The following PREP variants were observed in gnomAD, a reference collection of about 807,000 sequenced individuals.
The protein encoded by PREP is dJ355L5.1 (prolyl endopeptidase).
A neutral mutation model predicts 87.6 loss-of-function variants in PREP; 29 were observed. That is an observed-to-expected ratio of 0.33 (90% CI 0.25 to 0.45). The LOEUF is 0.45. PREP is among the 20% of genes least tolerant of loss of function. The probability of loss-of-function intolerance (pLI) is 1.00; values close to 1 mark genes in which losing one functional copy is unlikely to be tolerated. For missense variants in PREP, 695 were observed against 886.5 expected, an observed-to-expected ratio of 0.78 and a Z score of 2.74; for synonymous variants, 337 against 328.6, an observed-to-expected ratio of 1.03 and a Z score of -0.28.
intron 10 of PREP, among the ~76,000 whole-genome samples, chr6:105,316,829 C>A (rs1023982698): frequency 5.3e-5 from 8 of 152,096 alleles, no homozygotes; most frequent in African/African-American, 1.9e-4. Flanking sequence ...TTCCCTTTTA[C>A]ACTGAGTATT....
At chr6:105,343,378 A>G (rs1301036515) in intron 7 of PREP, among the ~76,000 whole-genome samples, 1 of 152,250 alleles carries the variant, frequency 6.6e-6, no homozygotes, top group Non-Finnish European at 1.5e-5. Flanking sequence ...AAATTAATTC[A>G]AGATGGATTA....
intron 12 of PREP, among the ~76,000 whole-genome samples, chr6:105,284,578 T>C (rs1333848731): frequency 6.6e-6 from 1 of 152,160 alleles, no homozygotes; most frequent in African/African-American, 2.4e-5. Context: ...ACTGGGGTCC[T>C]GGTAGGCCTT....
chr6:105,395,947 T>C (rs1297467686), intron 2 of PREP, among the ~76,000 whole-genome samples: 1 of 152,146 alleles, frequency 6.6e-6, no homozygotes, highest in Non-Finnish European at 1.5e-5. Flanking sequence ...CCAGACCCAA[T>C]CCCTCTGTCT....
intron 14 of PREP, among the ~76,000 whole-genome samples, chr6:105,279,584 G>GAAAC (rs1212188371): frequency 6.6e-6 from 1 of 152,076 alleles, no homozygotes; most frequent in South Asian, 2.1e-4. Flanking sequence ...TTTTTTTGGG[G>GAAAC]AAACACCTTT....
Position 105,278,399 on chromosome 6 carries a change from A to T in PREP, c.1878T>A (p.Asp626Glu). The T allele has an allele frequency of 6.2e-7, 1 of 1,613,942 alleles. No homozygotes were observed. Among genetic ancestry groups the T allele is most frequent in the Non-Finnish European group, 8.5e-7 (1 of 1,179,780 alleles). The change falls in exon 15 of 15, where the codon GAT (aspartate) becomes GAA (glutamate). Residue 626 changes from aspartate (D) to glutamate (E), a missense_variant. Coordinates refer to ENST00000652536, the MANE Select transcript of PREP (RefSeq NM_002726.5). The surrounding 1 kb of genome is among the most constrained non-coding windows in gnomAD (Gnocchi z 4.2). ...PLHNVKLPEA[D>E]DIQYPSMLLL... ...GCAGCATGGACGGGTACTGGATGTC[A>T]TCTGCTTCTGGTAACTTCACATTAT... is the stretch of plus-strand genomic sequence containing the variant.
At chr6:105,328,776 C>G (rs1771239661) in intron 9 of PREP, 53 bp downstream of exon 9, 1 of 1,581,106 alleles carries the variant, frequency 6.3e-7, no homozygotes, top group African/African-American at 1.4e-5. Flanking sequence ...CCAAAGAAAC[C>G]CAAACACCAG....
intron 2 of PREP, among the ~76,000 whole-genome samples, chr6:105,381,812 G>C (rs181339348): frequency 6.6e-6 from 1 of 152,212 alleles, no homozygotes. Context: ...GTACAACACT[G>C]TACCTATAGT....
chr6:105,383,266 A>T (rs1772895568), intron 2 of PREP, among the ~76,000 whole-genome samples: 1 of 152,116 alleles, frequency 6.6e-6, no homozygotes, highest in South Asian at 2.1e-4. Flanking sequence ...AAAAAAAAAA[A>T]AAAGAGTGCT....
chr6:105,323,616 A>G (rs1227533242), intron 10 of PREP, 49 bp downstream of exon 10: 2 of 1,503,138 alleles, frequency 1.3e-6, no homozygotes, highest in African/African-American at 2.8e-5. Flanking sequence ...GCCCAGCCTG[A>G]AAGTCAGACT....
At chr6:105,338,385 T>C (rs1771533806) in intron 7 of PREP, among the ~76,000 whole-genome samples, 1 of 152,220 alleles carries the variant, frequency 6.6e-6, no homozygotes, top group South Asian at 2.1e-4. Context: ...AGCCTGAAGA[T>C]GTGGCACAGA....
chr6:105,324,708 G>A (rs1022643654), intron 9 of PREP, among the ~76,000 whole-genome samples: 1 of 152,182 alleles, frequency 6.6e-6, no homozygotes, highest in Non-Finnish European at 1.5e-5. Context: ...ACATTTAAAT[G>A]GAATAATCAT....
chr6:105,357,678 C>A (rs73770182), intron 6 of PREP, among the ~76,000 whole-genome samples: 3,220 of 152,222 alleles, frequency 0.021, 117 homozygotes, highest in African/African-American at 0.074. Context: ...TTAAACAACA[C>A]ACACTTAATG....
chr6:105,285,654 A>T, intron 11 of PREP, 74 bp from the exon 12 acceptor site: 1 of 1,197,496 alleles, frequency 8.4e-7, no homozygotes, highest in Non-Finnish European at 1.2e-6. Context: ...TCCATCTCAA[A>T]AAAGTGTATG....
At chr6:105,302,703 G>T in intron 10 of PREP, 1 of 505,502 alleles carries the variant, frequency 2.0e-6, no homozygotes, top group South Asian at 1.6e-5. Flanking sequence ...AGAGCTTGGA[G>T]ACCGCGCCGC....
intron 10 of PREP, among the ~76,000 whole-genome samples, chr6:105,295,179 T>A (rs192752619): frequency 2.7e-5 from 4 of 149,888 alleles, no homozygotes; most frequent in Admixed American, 1.3e-4. Context: ...TTTTTATTTC[T>A]GACACCACCA....
chr6:105,305,750 C>A (rs1770641092), intron 10 of PREP, among the ~76,000 whole-genome samples: 1 of 152,200 alleles, frequency 6.6e-6, no homozygotes, highest in African/African-American at 2.4e-5. Flanking sequence ...TCCCACCACT[C>A]TAGCCCCAGC....
intron 10 of PREP, among the ~76,000 whole-genome samples, chr6:105,310,733 TG>T (rs1770743531): frequency 6.6e-6 from 1 of 152,244 alleles, no homozygotes; most frequent in Non-Finnish European, 1.5e-5. Context: ...GCTCTGCATG[TG>T]ACTTTGCCCT....
chr6:105,366,597 G>C (rs1312650958), intron 6 of PREP, among the ~76,000 whole-genome samples: 1 of 152,180 alleles, frequency 6.6e-6, no homozygotes, highest in Non-Finnish European at 1.5e-5. Flanking sequence ...CTATACATAT[G>C]TTTAATGCAT....
In PREP at chr6:105,335,433, G is replaced by A. The variant is rs531277528; in HGVS notation, c.824-1928C>T. ...GCATATCTTCATATAATTTGTTACTGAATTAAACTTAACAGGGAAATAAAT... is the reference window on the plus strand; with the variant it reads ...GCATATCTTCATATAATTTGTTACTAAATTAAACTTAACAGGGAAATAAAT... On this transcript the variant is annotated intron_variant, in intron 7 of 14. Transcript: ENST00000652536. 4.6e-5 allele frequency among the ~76,000 whole-genome samples: 7 copies of A among 152,194 alleles called. No individual in the cohort carries two copies. The South Asian group carries it at 6.2e-4, about 14-fold the overall frequency.
Sources: gnomAD v4.1 joint callset for allele counts (sites outside exome capture counted in the v4.1 genomes callset) on GRCh38, gnomAD v4.1.1 for gene constraint, Gnocchi (gnomAD v3.1) non-coding constraint, MANE v1.5 for transcripts, NCBI Gene and HGNC (gene_info 2026-07-23, HGNC 2026-07-21) for gene names.